Variants in KDM2B observed in about 807,000 individuals in gnomAD.
KDM2B encodes the protein lysine demethylase 2B, also known as lysine-specific demethylase 2B.
Under a neutral mutation model 150.0 loss-of-function variants are expected in KDM2B, and 26 were observed. That is an observed-to-expected ratio of 0.17 (90% CI 0.13 to 0.24). The LOEUF (loss-of-function observed/expected upper bound fraction) is 0.24, where lower values mean the gene tolerates loss of function less well. Ranked by LOEUF, KDM2B falls within the 10% of genes least tolerant of loss-of-function variation. KDM2B has a pLI of 1.00. For synonymous variants in KDM2B, 734 were observed against 729.5 expected, an observed-to-expected ratio of 1.01 and a Z score of -0.10; for missense variants, 1,265 against 1,816.9, an observed-to-expected ratio of 0.70 and a Z score of 5.52.
chr12:121,559,414 C>G (rs2136217163), intron 4 of KDM2B, among the ~76,000 whole-genome samples: 1 of 152,190 alleles, frequency 6.6e-6, no homozygotes, highest in East Asian at 1.9e-4. Context: ...CTTCACGGAC[C>G]TCCCCTCCCC....
At chr12:121,422,103 G>A in the KDM2B span, among the ~76,000 whole-genome samples, 2 of 152,296 alleles carry the variant, frequency 1.3e-5, no homozygotes, top group South Asian at 4.1e-4. Flanking sequence ...TAGCAACTAT[G>A]TACAGTGCAC....
downstream of KDM2B, among the ~76,000 whole-genome samples, chr12:121,425,240 G>A (rs1342568298): frequency 1.3e-5 from 2 of 151,610 alleles, no homozygotes; most frequent in African/African-American, 4.8e-5. Context: ...ACTGGAAGGC[G>A]GAGGTTGCAG....
At position 121,442,633 on chromosome 12, in the gene KDM2B, G is replaced by A. The variant is rs782320332; in HGVS notation, c.2808C>T (p.Arg936=). 44 of 1,604,070 alleles carry A rather than the reference G, an allele frequency of 2.7e-5. No individual in the cohort carries two copies. The highest frequency in any genetic ancestry group is 3.6e-5 in the Non-Finnish European group (42 of 1,178,994). Residue 936 remains arginine, a synonymous_variant, in exon 19 of 23, where the codon CGC becomes CGT. Coordinates refer to ENST00000377071, the MANE Select transcript of KDM2B (RefSeq NM_032590.5). This position sits in a 1 kb window ranked among gnomAD's most constrained non-coding sequence, Gnocchi z 7.7. ...CCTTGTTGGGAAGCCGCCGCTTCCG[G>A]CGCATCTTCACCTTCTTCTTCTCCT... ...GPEEKKKVKM[R]RKRRLPNKEL...
At chr12:121,568,790 TG>T (rs1398513472) in intron 4 of KDM2B, among the ~76,000 whole-genome samples, 6 of 151,474 alleles carry the variant, frequency 4.0e-5, no homozygotes, top group African/African-American at 1.5e-4. Context: ...TGCACTTTTC[TG>T]CATGTATATT....
intron 12 of KDM2B, among the ~76,000 whole-genome samples, chr12:121,477,908 A>G (rs1193044989): frequency 6.6e-6 from 1 of 151,274 alleles, no homozygotes; most frequent in Non-Finnish European, 1.5e-5. Flanking sequence ...TTTTTTTATC[A>G]TTAAAAAAAT....
intron 19 of KDM2B, among the ~76,000 whole-genome samples, chr12:121,441,460 C>T (rs782354912): frequency 6.6e-5 from 10 of 152,152 alleles, no homozygotes; most frequent in Non-Finnish European, 1.3e-4. Flanking sequence ...TGTATTAAGA[C>T]GGAGTCTCGC....
rs1888292443 is a variant in KDM2B at position 121,537,985 on chromosome 12, G to A, written c.684-3395C>T. ...GCGTCCCCTTCGGCTGCGGAGGCTC[G>A]ACGCGCGCCCGGCCCCACTCCCGGC... On this transcript the variant is annotated intron_variant, in intron 6 of 22. Transcript: ENST00000377071. The surrounding 1 kb of genome is among the most constrained non-coding windows in gnomAD (Gnocchi z 8.7). Among the ~76,000 whole-genome samples, 1 of 150,332 alleles carries A rather than the reference G, an allele frequency of 6.7e-6. No individual in the cohort carries two copies. The highest frequency in any genetic ancestry group is 2.4e-5 in the African/African-American group (1 of 41,222).
In KDM2B at chr12:121,452,932, G is replaced by C. The variant is rs1555291930; in HGVS notation, c.1959+188C>G. Among the ~76,000 whole-genome samples, 2 of 152,202 alleles carry C rather than the reference G, an allele frequency of 1.3e-5. No individual in the cohort carries two copies. Reference sequence around the variant, plus strand: ...CAAAGTACCTGAGCACCCTGGGAGGGAAGGAGCAGGAGGCCTGAGCCTGCG... The same window carrying C: ...CAAAGTACCTGAGCACCCTGGGAGGCAAGGAGCAGGAGGCCTGAGCCTGCG... On this transcript the variant is annotated intron_variant, in intron 13 of 22. Transcript: ENST00000377071. This position sits in a 1 kb window ranked among gnomAD's most constrained non-coding sequence, Gnocchi z 4.4.
rs1211864504 is a variant in KDM2B, at chr12:121,537,914, TCGG to T, written c.684-3327_684-3325del. Among the ~76,000 whole-genome samples the T allele has an allele frequency of 2.0e-4, 30 of 150,378 alleles. No homozygotes were observed. Among genetic ancestry groups the T allele is most frequent in the Admixed American group, 1.8e-3 (28 of 15,166 alleles). On this transcript the variant is annotated intron_variant, in intron 6 of 22. Coordinates refer to ENST00000377071, the MANE Select transcript of KDM2B (RefSeq NM_032590.5). This position sits in a 1 kb window ranked among gnomAD's most constrained non-coding sequence, Gnocchi z 8.7. ...CGGGCAGCGCGGCCCGCGGTTACCC[TCGG>T]CGGCGGCGGCGGCGGCTCCCGTGCG...
downstream of KDM2B, among the ~76,000 whole-genome samples, chr12:121,425,734 CAG>C (rs1872481881): frequency 6.6e-6 from 1 of 151,648 alleles, no homozygotes; most frequent in African/African-American, 2.4e-5. Context: ...CATAAGTTGC[CAG>C]AGTTTTGTGG....
In KDM2B at chr12:121,537,407, C is replaced by A. The variant is rs1056824471; in HGVS notation, c.684-2817G>T. The A allele has an allele frequency of 6.6e-6, 1 of 152,434 alleles. No individual in the cohort carries two copies. The highest frequency in any genetic ancestry group is 1.5e-5 in the Non-Finnish European group (1 of 68,240). The allele number at this position is 152,434 out of a possible 1,614,324, so 9.4% of individuals were successfully genotyped here. On this transcript the variant is annotated intron_variant, in intron 6 of 22. Transcript: ENST00000377071. The surrounding 1 kb of genome is among the most constrained non-coding windows in gnomAD (Gnocchi z 8.7). The stretch of plus-strand genomic sequence containing the variant: ...TCTCCCCACGGCCAGCCGGCTAGCC[C>A]GGCTTCCGCCTGGGCCTCGGCCGCC...
At chr12:121,542,392 C>A (rs782300664) in intron 6 of KDM2B, among the ~76,000 whole-genome samples, 3 of 152,198 alleles carry the variant, frequency 2.0e-5, no homozygotes, top group East Asian at 1.9e-4. Context: ...CACTCCACCC[C>A]CCTTGGCCTC....
chr12:121,581,989 T>C (rs1349316827), upstream of KDM2B, among the ~76,000 whole-genome samples: 1 of 152,198 alleles, frequency 6.6e-6, no homozygotes, highest in Non-Finnish European at 1.5e-5. Flanking sequence ...GTAAAAATCT[T>C]TTAAGCAGGG....
chr12:121,471,526 G>A (rs1359298602), intron 12 of KDM2B, among the ~76,000 whole-genome samples: 1 of 152,150 alleles, frequency 6.6e-6, no homozygotes, highest in Non-Finnish European at 1.5e-5. Flanking sequence ...ATGTGCAAAG[G>A]TGAAGGGAGG....
In KDM2B at chr12:121,509,843, G is replaced by A. The variant is rs368940476; in HGVS notation, c.1371C>T (p.Leu457=). The A allele has an allele frequency of 1.1e-4, 184 of 1,613,842 alleles. No individual in the cohort carries two copies. The highest frequency in any genetic ancestry group is 1.4e-4 in the Non-Finnish European group (170 of 1,179,988). The change falls in exon 11 of 23, where the codon CTC becomes CTT. Residue 457 remains leucine (L), a synonymous_variant. Transcript: ENST00000377071. ...TSTPSEDQEA[L]GKKPKAPALR... ...GGGCAGGTGCTTTGGGCTTCTTCCC[G>A]AGGGCCTCCTGGTCCTCAGAGGGCG...
intron 12 of KDM2B, among the ~76,000 whole-genome samples, chr12:121,491,416 C>T (rs560066336): frequency 1.3e-5 from 2 of 152,140 alleles, no homozygotes; most frequent in Non-Finnish European, 1.5e-5. Context: ...TTTCAGGGCT[C>T]GGTGGTGGAC....
chr12:121,545,198 C>T (rs782727869), intron 6 of KDM2B, among the ~76,000 whole-genome samples: 4 of 152,090 alleles, frequency 2.6e-5, no homozygotes, highest in Non-Finnish European at 5.9e-5. Context: ...TAACTGAAAT[C>T]GGTATTCTTT....
chr12:121,426,620 ATTTTTTTTTT>A (rs34070273), downstream of KDM2B, among the ~76,000 whole-genome samples: 3 of 113,552 alleles, frequency 2.6e-5, no homozygotes, highest in Admixed American at 9.3e-5. Context: ...ATTTTAAACA[ATTTTTTTTTT>A]TTTTTTTTTT....
intron 8 of KDM2B, among the ~76,000 whole-genome samples, chr12:121,522,894 T>G (rs1225363057): frequency 6.6e-6 from 1 of 152,178 alleles, no homozygotes; most frequent in Non-Finnish European, 1.5e-5. Context: ...TGAAGTCACC[T>G]ATCAGGATTT....
Sources: allele counts gnomAD v4.1 joint callset (sites outside exome capture counted in the v4.1 genomes callset), GRCh38; gene constraint gnomAD v4.1.1; non-coding constraint Gnocchi (gnomAD v3.1); transcripts MANE v1.5; gene names NCBI Gene and HGNC (gene_info 2026-07-23, HGNC 2026-07-21).